Variants in CCND3 observed in about 807,000 individuals in gnomAD.
CCND3 encodes G1/S-specific cyclin-D3.
A neutral mutation model predicts 28.7 loss-of-function variants in CCND3; 9 were observed. The ratio of observed to expected loss-of-function variants is 0.31; its 90% CI spans 0.19 to 0.55. The LOEUF (loss-of-function observed/expected upper bound fraction) is 0.55, where lower values mean the gene tolerates loss of function less well. Ranked by LOEUF, CCND3 falls within the 20% of genes least tolerant of loss-of-function variation. CCND3 has a pLI of 0.93. For missense variants in CCND3, 315 were observed against 385.8 expected (o/e 0.82, Z 1.54); for synonymous variants, 164 against 163.9 (o/e 1.00, Z 0.00).
chr6:41,964,487 TGTGTGTGTGTGA>T (rs1761823893), intron 1 of CCND3, among the ~76,000 whole-genome samples: 2 of 62,786 alleles, frequency 3.2e-5, no homozygotes, highest in South Asian at 4.2e-4. Flanking sequence ...TGTGTGTGAA[TGTGTGTGTGTGA>T]GTGTGTGTGT....
intron 1 of CCND3, among the ~76,000 whole-genome samples, chr6:42,039,648 C>T (rs1764313614): frequency 6.6e-6 from 1 of 152,208 alleles, no homozygotes; most frequent in Admixed American, 6.5e-5. Flanking sequence ...GGAGGAAAAG[C>T]TTGTTTGCAC....
chr6:42,047,106 T>A (rs1764567296), intron 1 of CCND3, among the ~76,000 whole-genome samples: 1 of 152,202 alleles, frequency 6.6e-6, no homozygotes, highest in Non-Finnish European at 1.5e-5. Flanking sequence ...GTTATGTAAC[T>A]GTTAGCTAGT....
At chr6:41,940,884 C>A (rs562462851) in intron 1 of CCND3, 1 of 1,434,030 alleles carries the variant, frequency 7.0e-7, no homozygotes, top group South Asian at 1.1e-5. Context: ...GGAAGTGGGA[C>A]GCAAGGGTCA....
At chr6:41,971,581 C>A (rs1762032924) in intron 1 of CCND3, among the ~76,000 whole-genome samples, 1 of 151,244 alleles carries the variant, frequency 6.6e-6, no homozygotes, top group African/African-American at 2.4e-5. Context: ...CTCGTTCTGT[C>A]GCCAGGCTGG....
chr6:42,025,368 T>G (rs1220766138), intron 1 of CCND3, among the ~76,000 whole-genome samples: 1 of 152,202 alleles, frequency 6.6e-6, no homozygotes, highest in Admixed American at 6.5e-5. Context: ...CCACCTTCTT[T>G]CCTGGAGCAA....
At chr6:42,031,663 C>G (rs1041785232) in intron 1 of CCND3, among the ~76,000 whole-genome samples, 1 of 152,132 alleles carries the variant, frequency 6.6e-6, no homozygotes, top group East Asian at 1.9e-4. Flanking sequence ...GAAATAACCA[C>G]TGTTAACACT....
At chr6:42,002,086 G>C in intron 1 of CCND3, among the ~76,000 whole-genome samples, 1 of 147,440 alleles carries the variant, frequency 6.8e-6, no homozygotes, top group African/African-American at 2.5e-5. Flanking sequence ...TTGTACTCCA[G>C]CCTGGGTGAG....
At chr6:42,025,020 T>C (rs1479140628) in intron 1 of CCND3, among the ~76,000 whole-genome samples, 1 of 152,174 alleles carries the variant, frequency 6.6e-6, no homozygotes, top group African/African-American at 2.4e-5. Flanking sequence ...ATCATGCCAC[T>C]GCACTCCAGC....
intron 1 of CCND3, among the ~76,000 whole-genome samples, chr6:42,016,508 T>G (rs1457052607): frequency 6.6e-6 from 1 of 151,886 alleles, no homozygotes; most frequent in Non-Finnish European, 1.5e-5. Context: ...GAAGTATTAG[T>G]GAGAAAGTAG....
intron 1 of CCND3, among the ~76,000 whole-genome samples, chr6:42,005,915 T>G (rs902900227): frequency 4.6e-5 from 7 of 152,016 alleles, no homozygotes; most frequent in African/African-American, 1.4e-4. Context: ...ACTCCTGACC[T>G]CAGGTGATCA....
At chr6:41,984,904 T>C (rs1312367959) in intron 1 of CCND3, among the ~76,000 whole-genome samples, 2 of 152,236 alleles carry the variant, frequency 1.3e-5, no homozygotes, top group Non-Finnish European at 2.9e-5. Flanking sequence ...GCCATGCACA[T>C]ACCTTCTTTT....
intron 1 of CCND3, among the ~76,000 whole-genome samples, chr6:41,957,186 G>C (rs1222965414): frequency 2.0e-5 from 3 of 152,240 alleles, no homozygotes; most frequent in Non-Finnish European, 4.4e-5. Context: ...GCCTCCCAGA[G>C]AGCCTCATCT....
rs1487493651 is a variant in CCND3, at chr6:42,033,645, C to T, written c.-46+14856G>A. Among the ~76,000 whole-genome samples the T allele has an allele frequency of 7.4e-5, 11 of 148,930 alleles. 1 individual carries two copies. The South Asian group carries it at 1.7e-3, about 23-fold the overall frequency. ...GGCAGATCACCTGAGATCAGAAGGA[C>T]GAGACCAGCCTGACCAACATGGAAA... On this transcript the variant is annotated intron_variant, in intron 1 of 4. Transcript: ENST00000372988.
intron 1 of CCND3, among the ~76,000 whole-genome samples, chr6:41,990,101 G>A (rs1251988708): frequency 6.6e-6 from 1 of 152,016 alleles, no homozygotes; most frequent in Non-Finnish European, 1.5e-5. Context: ...ATTCAGTAAA[G>A]TTGCAGGATA....
intron 1 of CCND3, among the ~76,000 whole-genome samples, chr6:42,007,406 A>G (rs1466210246): frequency 6.6e-6 from 1 of 152,260 alleles, no homozygotes; most frequent in Non-Finnish European, 1.5e-5. Flanking sequence ...ACAAGGGCTT[A>G]GTCAAGGACT....
chr6:41,998,496 C>CA (rs1762882669), intron 1 of CCND3, among the ~76,000 whole-genome samples: 1 of 149,074 alleles, frequency 6.7e-6, no homozygotes, highest in South Asian at 2.1e-4. Context: ...TTACAGGTGC[C>CA]AACCACCACG....
At chr6:41,992,307 T>C (rs1454636112) in intron 1 of CCND3, among the ~76,000 whole-genome samples, 2 of 149,274 alleles carry the variant, frequency 1.3e-5, no homozygotes, top group African/African-American at 5.0e-5. Flanking sequence ...GGATTACAGG[T>C]GCCTGCCACC....
intron 1 of CCND3, among the ~76,000 whole-genome samples, chr6:41,994,239 T>C (rs527706863): frequency 1.8e-4 from 27 of 152,166 alleles, no homozygotes; most frequent in African/African-American, 6.5e-4. Context: ...TACAGGTTTG[T>C]AGCTTAGGAG....
chr6:42,022,066 C>T (rs1478848362), intron 1 of CCND3, among the ~76,000 whole-genome samples: 2 of 152,228 alleles, frequency 1.3e-5, no homozygotes, highest in African/African-American at 4.8e-5. Flanking sequence ...AATCACTGCT[C>T]TGTCTTTAAT....
Sources: allele counts gnomAD v4.1 joint callset (sites outside exome capture counted in the v4.1 genomes callset), GRCh38; gene constraint gnomAD v4.1.1; transcripts MANE v1.5; gene names NCBI Gene and HGNC (gene_info 2026-07-23, HGNC 2026-07-21).